UBR3: variants seen among roughly 807,000 people sequenced by gnomAD.
The protein encoded by UBR3 is E3 ubiquitin-protein ligase UBR3.
Under a neutral mutation model 243.2 loss-of-function variants are expected in UBR3, and 85 were observed. That is an observed-to-expected ratio of 0.35 (90% confidence interval 0.29 to 0.42). The LOEUF (loss-of-function observed/expected upper bound fraction) is 0.42, where lower values mean the gene tolerates loss of function less well. Among genes scored for constraint, UBR3 ranks in the 10% least tolerant of loss-of-function variants. The pLI is 1.00. For missense variants in UBR3, 1,686 were observed against 2,300.8 expected (o/e 0.73, Z 5.47); for synonymous variants, 748 against 799.8 (o/e 0.94, Z 1.09).
intron 22 of UBR3, chr2:169,948,075 G>T (rs2086855129): frequency 5.4e-6 from 2 of 372,060 alleles, no homozygotes; most frequent in Non-Finnish European, 7.1e-6. Flanking sequence ...TTGGATTTAT[G>T]TGTGTTTTTT....
intron 5 of UBR3, among the ~76,000 whole-genome samples, chr2:169,879,035 T>A (rs1220331407): frequency 6.6e-6 from 1 of 152,006 alleles, no homozygotes; most frequent in Non-Finnish European, 1.5e-5. Context: ...GATTTTTTTT[T>A]AAAACTATGT....
intron 27 of UBR3, among the ~76,000 whole-genome samples, chr2:170,001,938 A>AAAAAAAAAAAAAAAAAAAG (rs1559175182): frequency 6.2e-5 from 8 of 130,044 alleles, no homozygotes; most frequent in African/African-American, 2.7e-4. Flanking sequence ...AAAAAAAAAA[A>AAAAAAAAAAAAAAAAAAAG]AAAAGAAAGA....
At chr2:170,011,042 G>C (rs2090067153) in intron 29 of UBR3, among the ~76,000 whole-genome samples, 1 of 152,086 alleles carries the variant, frequency 6.6e-6, no homozygotes, top group Non-Finnish European at 1.5e-5. Context: ...GCACACATCT[G>C]TAGTCCCAGC....
chr2:170,007,308 T>C, intron 28 of UBR3, 118 bp downstream of exon 28: 1 of 1,127,272 alleles, frequency 8.9e-7, no homozygotes, highest in South Asian at 1.6e-5. Flanking sequence ...AAATTGCTTT[T>C]AGAGGTTTTG....
intron 1 of UBR3, among the ~76,000 whole-genome samples, chr2:169,829,246 C>A (rs769549631): frequency 6.6e-6 from 1 of 151,976 alleles, no homozygotes; most frequent in Non-Finnish European, 1.5e-5. Context: ...AAACATTGAC[C>A]AACCCCTTAC....
chr2:169,954,165 TTTGTCTTGTCTTGTCTTGTC>T (rs77961475), intron 23 of UBR3, among the ~76,000 whole-genome samples: 415 of 140,846 alleles, frequency 2.9e-3, no homozygotes, highest in African/African-American at 8.6e-3. Flanking sequence ...TAATGTTTGA[TTTGTCTTGTCTTGTCTTGTC>T]TTGTCTTGTC....
chr2:170,016,488 G>A (rs2090239031), intron 30 of UBR3, among the ~76,000 whole-genome samples: 1 of 151,786 alleles, frequency 6.6e-6, no homozygotes, highest in Non-Finnish European at 1.5e-5. Flanking sequence ...AAAGGAAGTT[G>A]TTGATACATG....
intron 22 of UBR3, among the ~76,000 whole-genome samples, chr2:169,949,069 A>G (rs972002436): frequency 3.9e-5 from 6 of 152,048 alleles, no homozygotes; most frequent in African/African-American, 1.4e-4. Context: ...TTTCATCCTT[A>G]TATTTCAATT....
chr2:169,830,905 A>G (rs531527057), intron 1 of UBR3, among the ~76,000 whole-genome samples: 111 of 151,628 alleles, frequency 7.3e-4, no homozygotes, highest in African/African-American at 2.6e-3. Flanking sequence ...GTTGTCGTGG[A>G]TGAGATGGAA....
At chr2:170,002,209 A>G (rs2089739099) in intron 27 of UBR3, among the ~76,000 whole-genome samples, 2 of 152,074 alleles carry the variant, frequency 1.3e-5, no homozygotes, top group South Asian at 4.1e-4. Context: ...TGTCAATCTC[A>G]TTTAATCAGC....
At chr2:169,977,133 T>G (rs2088485758) in intron 24 of UBR3, among the ~76,000 whole-genome samples, 1 of 152,178 alleles carries the variant, frequency 6.6e-6, no homozygotes, top group South Asian at 2.1e-4. Flanking sequence ...TTTTCCTGAT[T>G]CTATTGAATT....
intron 8 of UBR3, among the ~76,000 whole-genome samples, chr2:169,900,339 G>A (rs2084769558): frequency 6.6e-6 from 1 of 152,094 alleles, no homozygotes; most frequent in South Asian, 2.1e-4. Context: ...TTTTTGATAG[G>A]ATTGTTTTTT....
chr2:169,898,796 G>A (rs549290375), intron 8 of UBR3, among the ~76,000 whole-genome samples: 50 of 149,768 alleles, frequency 3.3e-4, no homozygotes, highest in African/African-American at 1.2e-3. Flanking sequence ...CTGCCTCCCA[G>A]GTTCACGCCA....
intron 5 of UBR3, among the ~76,000 whole-genome samples, chr2:169,885,209 TATC>T (rs1559057717): frequency 6.6e-6 from 1 of 152,228 alleles, no homozygotes; most frequent in Non-Finnish European, 1.5e-5. Context: ...TAATTTAAGA[TATC>T]ATAAAGGAAG....
intron 29 of UBR3, among the ~76,000 whole-genome samples, chr2:170,009,743 A>T (rs1033907312): frequency 3.9e-5 from 6 of 152,126 alleles, no homozygotes; most frequent in Non-Finnish European, 7.4e-5. Context: ...TAGAGAGGTA[A>T]TGTGACTTGA....
intron 11 of UBR3, 106 bp downstream of exon 11, chr2:169,914,252 G>C (rs574422383): frequency 2.0e-6 from 1 of 504,182 alleles, no homozygotes; most frequent in South Asian, 6.1e-5. Flanking sequence ...TTTTTCATAG[G>C]CGAGGGAAGG....
intron 19 of UBR3, among the ~76,000 whole-genome samples, chr2:169,933,746 G>C (rs1012450248): frequency 6.6e-6 from 1 of 152,166 alleles, no homozygotes; most frequent in Non-Finnish European, 1.5e-5. Flanking sequence ...AACTATCAAA[G>C]TGAAACTTCT....
intron 1 of UBR3, among the ~76,000 whole-genome samples, chr2:169,861,341 G>A (rs533690861): frequency 6.6e-6 from 1 of 152,308 alleles, no homozygotes; most frequent in African/African-American, 2.4e-5. Flanking sequence ...TGGGTGTGGT[G>A]GCTCACGCCC....
chr2:170,042,619 G>T (rs1210495954), intron 32 of UBR3, among the ~76,000 whole-genome samples: 1 of 149,094 alleles, frequency 6.7e-6, no homozygotes, highest in African/African-American at 2.5e-5. Context: ...AGCCCAGGAG[G>T]TGGAGGTTGC....
Sources: allele counts gnomAD v4.1 joint callset (sites outside exome capture counted in the v4.1 genomes callset), GRCh38; gene constraint gnomAD v4.1.1; transcripts MANE v1.5; gene names NCBI Gene and HGNC (gene_info 2026-07-23, HGNC 2026-07-21).